Variants in PRKG1 observed in about 807,000 individuals in gnomAD.
PRKG1 encodes cGMP-dependent protein kinase 1.
PRKG1 carries 35 observed loss-of-function variants against 88.1 expected under a neutral mutation model. That is an observed-to-expected ratio of 0.40 (90% CI 0.30 to 0.53). PRKG1 has a LOEUF of 0.53. Ranked by LOEUF, PRKG1 falls within the 20% of genes least tolerant of loss-of-function variation. The pLI, the probability that PRKG1 is intolerant of heterozygous loss-of-function variation, is 0.59. For missense variants in PRKG1, 540 were observed against 839.8 expected (o/e 0.64, Z 4.41); for synonymous variants, 303 against 292.5 (o/e 1.04, Z -0.37).
At chr10:52,188,525 A>C (rs1253764022) in intron 9 of PRKG1, among the ~76,000 whole-genome samples, 4 of 151,372 alleles carry the variant, frequency 2.6e-5, no homozygotes, top group African/African-American at 9.7e-5. Flanking sequence ...GCTAATTTAT[A>C]AAATATATCT....
chr10:51,986,637 G>C (rs1404708134), intron 5 of PRKG1, among the ~76,000 whole-genome samples: 1 of 152,166 alleles, frequency 6.6e-6, no homozygotes, highest in Admixed American at 6.5e-5. Flanking sequence ...GCTCCAACAT[G>C]AACTATGGTC....
chr10:52,250,291 A>G (rs1841139701), intron 9 of PRKG1, among the ~76,000 whole-genome samples: 1 of 152,202 alleles, frequency 6.6e-6, no homozygotes, highest in Admixed American at 6.5e-5. Flanking sequence ...CAATAATGGA[A>G]AACAATGTTG....
chr10:52,239,101 C>A (rs1443168129), intron 9 of PRKG1, among the ~76,000 whole-genome samples: 1 of 113,136 alleles, frequency 8.8e-6, no homozygotes, highest in Admixed American at 1.0e-4. Context: ...TATTCTCACT[C>A]ATAGGTGGGA....
rs1837926247 is a variant in PRKG1, at chr10:51,577,810, G to A, written c.592+109974G>A. Among the ~76,000 whole-genome samples, 3 of 151,974 alleles carry A rather than the reference G, an allele frequency of 2.0e-5. No individual in the cohort carries two copies. The South Asian group carries it at 6.2e-4, about 32-fold the overall frequency. On this transcript the variant is annotated intron_variant, in intron 3 of 17. Transcript: ENST00000373980. Reference sequence around the variant, plus strand: ...TCATATCCCATCTACATTTGTCTAAGCTACTTTACATCATTGGTTACTTAC... The same window carrying A: ...TCATATCCCATCTACATTTGTCTAAACTACTTTACATCATTGGTTACTTAC...
At position 52,271,391 on chromosome 10, in the gene PRKG1, G is replaced by T; in HGVS notation, c.1215G>T (p.Lys405Asn). The change falls in exon 11 of 18, where the codon AAG becomes AAT. Residue 405 changes from lysine (K) to asparagine (N), a missense_variant. Lys to Asn is a moderately conservative substitution (Grantham distance 94, BLOSUM62 0). Coordinates refer to ENST00000373980, the MANE Select transcript of PRKG1 (RefSeq NM_006258.4). ...AAGAATCCAAAACGTTTGCAATGAA[G>T]ATTCTCAAGAAACGTCACATTGTGG... ...KSEESKTFAM[K>N]ILKKRHIVDT... 1 of 1,612,806 alleles carries T rather than the reference G, an allele frequency of 6.2e-7. No individual in the cohort carries two copies. The highest frequency in any genetic ancestry group is 8.5e-7 in the Non-Finnish European group (1 of 1,179,272).
chr10:51,885,852 C>T (rs949553183), intron 4 of PRKG1, among the ~76,000 whole-genome samples: 1 of 152,134 alleles, frequency 6.6e-6, no homozygotes, highest in African/African-American at 2.4e-5. Flanking sequence ...TTACCTCTTT[C>T]ATGAGACGTT....
intron 17 of PRKG1, 44 bp downstream of exon 17, chr10:52,290,334 G>A: frequency 1.4e-6 from 2 of 1,451,298 alleles, no homozygotes; most frequent in Middle Eastern, 3.9e-4. Context: ...ATAATTGATG[G>A]TGTTTATGTC....
chr10:51,422,075 A>G (rs1434251749), intron 2 of PRKG1, among the ~76,000 whole-genome samples: 2 of 152,196 alleles, frequency 1.3e-5, no homozygotes, highest in Non-Finnish European at 2.9e-5. Context: ...TGGAGAAGAG[A>G]TAATGAAAAG....
chr10:51,384,181 G>T (rs1251931393), intron 2 of PRKG1, among the ~76,000 whole-genome samples: 1 of 152,174 alleles, frequency 6.6e-6, no homozygotes, highest in Non-Finnish European at 1.5e-5. Flanking sequence ...GGGGAGCTAA[G>T]ATTGCAGCCA....
chr10:51,410,985 G>A (rs1375915370), intron 2 of PRKG1, among the ~76,000 whole-genome samples: 1 of 151,776 alleles, frequency 6.6e-6, no homozygotes, highest in South Asian at 2.1e-4. Context: ...GTAGAATGTG[G>A]TAATTTTACA....
At chr10:51,783,397 G>C (rs1365636804) in intron 3 of PRKG1, among the ~76,000 whole-genome samples, 1 of 152,034 alleles carries the variant, frequency 6.6e-6, no homozygotes, top group Non-Finnish European at 1.5e-5. Flanking sequence ...TCCTACCTCA[G>C]CCTCATGAGT....
intron 9 of PRKG1, among the ~76,000 whole-genome samples, chr10:52,186,912 T>C (rs1016079863): frequency 1.3e-5 from 2 of 152,202 alleles, no homozygotes; most frequent in Non-Finnish European, 1.5e-5. Context: ...AGGTGCAATG[T>C]GGAAGTCTCA....
rs116437568 is a variant in PRKG1, at chr10:51,335,408, G to A, written c.479-132315G>A. ...CCTAGGAATCTAAGAATAAAACTGA[G>A]TTTTTAAACTTTTCTAAAATATTAC... On this transcript the variant is annotated intron_variant, in intron 2 of 17. Transcript: ENST00000373980. 3.8e-3 allele frequency among the ~76,000 whole-genome samples: 577 copies of A among 152,126 alleles called. 3 individuals carry two copies. Among genetic ancestry groups the A allele is most frequent in the African/African-American group, 0.013 (560 of 41,512 alleles).
At chr10:52,260,855 T>A (rs1841417346) in intron 10 of PRKG1, among the ~76,000 whole-genome samples, 1 of 152,054 alleles carries the variant, frequency 6.6e-6, no homozygotes, top group African/African-American at 2.4e-5. Flanking sequence ...GAGAAGACAC[T>A]CAAAGTAGGT....
At chr10:51,691,160 C>G (rs1475482080) in intron 3 of PRKG1, among the ~76,000 whole-genome samples, 1 of 150,532 alleles carries the variant, frequency 6.6e-6, no homozygotes, top group Non-Finnish European at 1.5e-5. Flanking sequence ...TAGGACATTC[C>G]TTTGCTCAGT....
intron 9 of PRKG1, among the ~76,000 whole-genome samples, chr10:52,193,383 T>C (rs1156521315): frequency 7.1e-6 from 1 of 140,930 alleles, no homozygotes; most frequent in Non-Finnish European, 1.5e-5. Flanking sequence ...CCATCTCTAC[T>C]AAAAATACAA....
At chr10:51,873,782 G>A (rs765993529) in intron 4 of PRKG1, among the ~76,000 whole-genome samples, 5 of 152,118 alleles carry the variant, frequency 3.3e-5, no homozygotes, top group Non-Finnish European at 5.9e-5. Flanking sequence ...ACTCGCCTCG[G>A]CCTCCCAAAG....
intron 14 of PRKG1, among the ~76,000 whole-genome samples, chr10:52,285,982 G>C (rs1842108791): frequency 6.6e-6 from 1 of 152,046 alleles, no homozygotes; most frequent in Non-Finnish European, 1.5e-5. Flanking sequence ...TTATGTGTAT[G>C]AATATAATAT....
At chr10:51,522,921 G>T (rs1032656129) in intron 3 of PRKG1, among the ~76,000 whole-genome samples, 31 of 151,966 alleles carry the variant, frequency 2.0e-4, no homozygotes, top group African/African-American at 7.3e-4. Context: ...AAAACCAAGG[G>T]AGACAACAAA....
Sources: allele counts gnomAD v4.1 joint callset (sites outside exome capture counted in the v4.1 genomes callset), GRCh38; gene constraint gnomAD v4.1.1; transcripts MANE v1.5; gene names NCBI Gene and HGNC (gene_info 2026-07-23, HGNC 2026-07-21).